The following MACROD2 variants were observed in gnomAD, a reference collection of about 807,000 sequenced individuals.
MACROD2 encodes mono-ADP ribosylhydrolase 2.
Under a neutral mutation model 70.4 loss-of-function variants are expected in MACROD2, and 36 were observed. The ratio of observed to expected loss-of-function variants is 0.51; its 90% CI spans 0.39 to 0.68. The LOEUF is 0.68. MACROD2 is among the 30% of genes least tolerant of loss of function. The pLI is 0.00. For missense variants in MACROD2, 496 were observed against 538.4 expected (o/e 0.92, Z 0.78); for synonymous variants, 172 against 178.8 (o/e 0.96, Z 0.30).
chr20:15,596,930 T>C (rs2048753766), intron 8 of MACROD2, among the ~76,000 whole-genome samples: 1 of 152,210 alleles, frequency 6.6e-6, no homozygotes, highest in African/African-American at 2.4e-5. Flanking sequence ...GATGTTAAAA[T>C]GTGGCTCTTG....
At chr20:14,176,838 TG>T in intron 3 of MACROD2, among the ~76,000 whole-genome samples, 1 of 152,326 alleles carries the variant, frequency 6.6e-6, no homozygotes, top group East Asian at 1.9e-4. Flanking sequence ...CTGTGGGTAA[TG>T]GTAGATTTGT....
chr20:15,502,173 A>C (rs1396085287), intron 8 of MACROD2, among the ~76,000 whole-genome samples: 1 of 152,226 alleles, frequency 6.6e-6, no homozygotes, highest in Non-Finnish European at 1.5e-5. Context: ...AAAATAAAAC[A>C]GGGCAATTGG....
chr20:15,412,654 A>G (rs2046094230), intron 6 of MACROD2, among the ~76,000 whole-genome samples: 1 of 152,194 alleles, frequency 6.6e-6, no homozygotes, highest in Non-Finnish European at 1.5e-5. Context: ...TAAATTATCG[A>G]GACTGTAGGG....
At chr20:15,844,013 C>T (rs1328273159) in intron 8 of MACROD2, among the ~76,000 whole-genome samples, 1 of 151,828 alleles carries the variant, frequency 6.6e-6, no homozygotes, top group Non-Finnish European at 1.5e-5. Context: ...TACAACCCAC[C>T]TCACTGTAGT....
intron 8 of MACROD2, among the ~76,000 whole-genome samples, chr20:15,676,773 A>G (rs755362226): frequency 9.9e-5 from 15 of 152,222 alleles, no homozygotes; most frequent in Non-Finnish European, 1.9e-4. Context: ...TATCAGAGCC[A>G]TAAGTTTATA....
chr20:15,931,493 T>C (rs935753305), intron 10 of MACROD2, among the ~76,000 whole-genome samples: 1 of 151,890 alleles, frequency 6.6e-6, no homozygotes, highest in Admixed American at 6.6e-5. Context: ...AAATAAAAAA[T>C]CAGTCAGGCT....
intron 5 of MACROD2, among the ~76,000 whole-genome samples, chr20:14,948,828 G>C (rs1276656756): frequency 1.3e-5 from 2 of 152,154 alleles, no homozygotes; most frequent in African/African-American, 4.8e-5. Context: ...CAAAACTAGG[G>C]TTTGAAGCCT....
At chr20:15,465,347 G>A (rs571421227) in intron 7 of MACROD2, among the ~76,000 whole-genome samples, 1 of 152,346 alleles carries the variant, frequency 6.6e-6, no homozygotes, top group East Asian at 1.9e-4. Context: ...CCAGCATTTA[G>A]CCACTCAAGC....
chr20:14,150,733 A>G (rs2055007975), intron 3 of MACROD2, among the ~76,000 whole-genome samples: 1 of 152,188 alleles, frequency 6.6e-6, no homozygotes. Context: ...ATAAAAAGGT[A>G]GTAGTTTTTT....
chr20:14,163,320 A>T (rs1238897299), intron 3 of MACROD2, among the ~76,000 whole-genome samples: 1 of 152,102 alleles, frequency 6.6e-6, no homozygotes, highest in Non-Finnish European at 1.5e-5. Flanking sequence ...ATCTGCTGTT[A>T]GTCTGATGGG....
rs934007484 is a variant in MACROD2, at chr20:14,460,074, C to T, written c.272-33405C>T. On this transcript the variant is annotated intron_variant, in intron 3 of 17. Coordinates refer to ENST00000684519, the MANE Select transcript of MACROD2 (RefSeq NM_001351661.2). ...ATGAACTCATCCTTTTTTATGGCTG[C>T]ACAGTGTTCCATGGTGTATATGTGC... Among the ~76,000 whole-genome samples, 5 of 152,234 alleles carry T rather than the reference C, an allele frequency of 3.3e-5. No homozygotes were observed. In the East Asian group the frequency reaches 5.8e-4, roughly 18 times the overall value.
At chr20:14,227,556 A>G (rs1163145600) in intron 3 of MACROD2, among the ~76,000 whole-genome samples, 1 of 152,068 alleles carries the variant, frequency 6.6e-6, no homozygotes, top group Non-Finnish European at 1.5e-5. Context: ...CCATGCACCC[A>G]CCAGAAGGAA....
At chr20:15,151,251 C>T (rs1376031895) in intron 5 of MACROD2, among the ~76,000 whole-genome samples, 1 of 152,036 alleles carries the variant, frequency 6.6e-6, no homozygotes, top group Non-Finnish European at 1.5e-5. Context: ...TCCCAGGCTG[C>T]AGGCATTCCT....
At chr20:14,131,790 A>T (rs73084849) in intron 3 of MACROD2, among the ~76,000 whole-genome samples, 1 of 152,214 alleles carries the variant, frequency 6.6e-6, no homozygotes, top group Non-Finnish European at 1.5e-5. Context: ...ATACAATGGC[A>T]CCATATAGCT....
At chr20:14,864,048 A>C (rs1235843709) in intron 5 of MACROD2, among the ~76,000 whole-genome samples, 1 of 152,060 alleles carries the variant, frequency 6.6e-6, no homozygotes, top group Non-Finnish European at 1.5e-5. Flanking sequence ...GAGTATAGAT[A>C]ATTTCTTTCT....
intron 8 of MACROD2, among the ~76,000 whole-genome samples, chr20:15,822,467 A>G (rs906074427): frequency 2.0e-5 from 3 of 152,174 alleles, no homozygotes; most frequent in African/African-American, 7.2e-5. Context: ...ACTTAATTAC[A>G]TTTATTAACA....
In MACROD2 at chr20:14,909,968, G is replaced by A. The variant is rs143461712; in HGVS notation, c.418+225009G>A. 1.3e-3 allele frequency among the ~76,000 whole-genome samples: 199 copies of A among 152,194 alleles called. 1 individual carries two copies. The highest frequency in any genetic ancestry group is 4.3e-3 in the African/African-American group (177 of 41,544). Reference sequence around the variant, plus strand: ...TGACAGCTCCAATGTAGATTCTTGGGCATGCGTTGTTTTCTTGAGAACCTT... The same window carrying A: ...TGACAGCTCCAATGTAGATTCTTGGACATGCGTTGTTTTCTTGAGAACCTT... On this transcript the variant is annotated intron_variant, in intron 5 of 17. Coordinates refer to ENST00000684519, the MANE Select transcript of MACROD2 (RefSeq NM_001351661.2).
In MACROD2 at chr20:15,029,895, T is replaced by C. The variant is rs528953501; in HGVS notation, c.419-200045T>C. Among the ~76,000 whole-genome samples, 3 of 152,044 alleles carry C rather than the reference T, an allele frequency of 2.0e-5. No homozygotes were observed. The East Asian group carries it at 5.8e-4, about 29-fold the overall frequency. ...TTACGAGGTCAGGATATCCAGACCA[T>C]CCTGGCCAACATAGTGAAATCCCAA... On this transcript the variant is annotated intron_variant, in intron 5 of 17. Transcript: ENST00000684519.
intron 8 of MACROD2, among the ~76,000 whole-genome samples, chr20:15,693,928 G>A (rs117916091): frequency 0.043 from 6,514 of 150,250 alleles, 277 homozygotes; most frequent in East Asian, 0.21. Context: ...TTGCATCCTT[G>A]TAACTTAGCT....
Sources: gnomAD v4.1 joint callset for allele counts (sites outside exome capture counted in the v4.1 genomes callset) on GRCh38, gnomAD v4.1.1 for gene constraint, MANE v1.5 for transcripts, NCBI Gene and HGNC (gene_info 2026-07-23, HGNC 2026-07-21) for gene names.